LRP1B: variants seen among roughly 807,000 people sequenced by gnomAD.
LRP1B encodes the protein low-density lipoprotein receptor-related protein 1B.
In LRP1B, 217 loss-of-function variants were observed where a neutral mutation model predicts 556.6. The observed-to-expected ratio is 0.39, with a 90% CI of 0.35 to 0.44. LRP1B has a LOEUF of 0.44. LRP1B is among the 20% of genes least tolerant of loss of function. The pLI, the probability that LRP1B is intolerant of heterozygous loss-of-function variation, is 1.00. For synonymous variants in LRP1B, 2,047 were observed against 1,865.8 expected, an observed-to-expected ratio of 1.10 and a Z score of -2.50; for missense variants, 5,053 against 5,620.8, an observed-to-expected ratio of 0.90 and a Z score of 3.23.
intron 23 of LRP1B, 114 bp from the exon 24 acceptor site, chr2:140,886,449 T>A: frequency 1.6e-6 from 1 of 608,344 alleles, no homozygotes; most frequent in Non-Finnish European, 2.7e-6. Flanking sequence ...TTCTCTGTCT[T>A]AAAACAGCAA....
intron 6 of LRP1B, among the ~76,000 whole-genome samples, chr2:141,201,646 T>C (rs1016676138): frequency 1.3e-5 from 2 of 152,164 alleles, no homozygotes; most frequent in Non-Finnish European, 2.9e-5. Context: ...TATTGTACTT[T>C]TTTAATTATT....
At chr2:141,595,498 C>T (rs1253520380) in intron 2 of LRP1B, among the ~76,000 whole-genome samples, 1 of 151,868 alleles carries the variant, frequency 6.6e-6, no homozygotes, top group Non-Finnish European at 1.5e-5. Flanking sequence ...GTGTTAATAG[C>T]CTTTGGCAGA....
intron 66 of LRP1B, among the ~76,000 whole-genome samples, chr2:140,420,799 T>C (rs1485969967): frequency 6.6e-6 from 1 of 152,188 alleles, no homozygotes; most frequent in Non-Finnish European, 1.5e-5. Flanking sequence ...AGTAATCTAG[T>C]GACTTCAAGC....
intron 66 of LRP1B, among the ~76,000 whole-genome samples, chr2:140,422,824 C>A (rs1685501896): frequency 6.6e-6 from 1 of 152,126 alleles, no homozygotes; most frequent in Non-Finnish European, 1.5e-5. Flanking sequence ...CATTTCTACA[C>A]AAACATTCAA....
At chr2:142,049,545 G>T (rs1335313388) in intron 1 of LRP1B, among the ~76,000 whole-genome samples, 5 of 152,050 alleles carry the variant, frequency 3.3e-5, no homozygotes, top group African/African-American at 1.2e-4. Flanking sequence ...CGTTCTCCTT[G>T]AGGTATTACA....
At position 140,533,071 on chromosome 2, in the gene LRP1B, G is replaced by A. The variant is rs538257112; in HGVS notation, c.7762+950C>T. 1.7e-3 allele frequency among the ~76,000 whole-genome samples: 260 copies of A among 151,716 alleles called. 3 individuals carry two copies. The highest frequency in any genetic ancestry group is 3.8e-3 in the Admixed American group (58 of 15,192). ...CTTAATGCATTGCACTCAATAAAGT[G>A]TGTTCATTGAATGGCAAGTCTCTAA... On this transcript the variant is annotated intron_variant, in intron 47 of 90. Coordinates refer to ENST00000389484, the MANE Select transcript of LRP1B (RefSeq NM_018557.3).
At chr2:140,705,431 G>C (rs1324648946) in intron 37 of LRP1B, among the ~76,000 whole-genome samples, 1 of 148,978 alleles carries the variant, frequency 6.7e-6, no homozygotes, top group Non-Finnish European at 1.5e-5. Context: ...GGCTGAGGCA[G>C]GAGAATCACT....
chr2:141,809,643 T>C (rs1010859028), intron 2 of LRP1B, among the ~76,000 whole-genome samples: 1 of 152,100 alleles, frequency 6.6e-6, no homozygotes, highest in Non-Finnish European at 1.5e-5. Flanking sequence ...TTCCAAGTTA[T>C]AGTAGTACAA....
chr2:140,262,177 A>G lies in LRP1B; in HGVS notation c.13247+8065T>C, dbSNP rs143302752. 2.9e-3 allele frequency among the ~76,000 whole-genome samples: 436 copies of G among 152,270 alleles called. 3 individuals are homozygous for G. Among genetic ancestry groups the G allele is most frequent in the African/African-American group, 9.8e-3 (407 of 41,578 alleles). On this transcript the variant is annotated intron_variant, in intron 86 of 90. Coordinates refer to ENST00000389484, the MANE Select transcript of LRP1B (RefSeq NM_018557.3). ...TTAGCCAGGAGCTTCTTGGGAAAATAGAAGCTAGAGTATGGAATGCCCAGG... is the reference window on the plus strand; with the variant it reads ...TTAGCCAGGAGCTTCTTGGGAAAATGGAAGCTAGAGTATGGAATGCCCAGG...
intron 35 of LRP1B, among the ~76,000 whole-genome samples, chr2:140,750,089 C>T (rs1334173534): frequency 1.1e-3 from 9 of 8,416 alleles, no homozygotes; most frequent in Non-Finnish European, 3.9e-3. Flanking sequence ...TACACACACA[C>T]ACACACACAC....
chr2:140,241,709 G>GT (rs1204213697), intron 87 of LRP1B, among the ~76,000 whole-genome samples: 11 of 150,780 alleles, frequency 7.3e-5, no homozygotes, highest in East Asian at 3.9e-4. Flanking sequence ...AGATTAGCAA[G>GT]TTTTTTTAAA....
intron 1 of LRP1B, among the ~76,000 whole-genome samples, chr2:141,957,422 G>A (rs1574530210): frequency 6.7e-6 from 1 of 148,576 alleles, no homozygotes; most frequent in African/African-American, 2.5e-5. Flanking sequence ...TCCCAGCTTT[G>A]TTTCGTGCAC....
intron 3 of LRP1B, among the ~76,000 whole-genome samples, chr2:141,345,634 T>TGTGTGCC (rs1355162787): frequency 1.3e-5 from 2 of 150,902 alleles, no homozygotes; most frequent in African/African-American, 4.9e-5. Flanking sequence ...GGACTACGAG[T>TGTGTGCC]GTGTGCCACC....
intron 1 of LRP1B, among the ~76,000 whole-genome samples, chr2:141,981,516 A>G (rs576438601): frequency 6.6e-6 from 1 of 152,244 alleles, no homozygotes; most frequent in South Asian, 2.1e-4. Flanking sequence ...ACTCCCTTAC[A>G]GTCTTGATTA....
chr2:141,804,954 G>A (rs114315618), intron 2 of LRP1B, among the ~76,000 whole-genome samples: 434 of 152,196 alleles, frequency 2.9e-3, no homozygotes, highest in Non-Finnish European at 4.9e-3. Flanking sequence ...AAGGAGGAGA[G>A]TGAAGGGACA....
rs183223410 is a variant in LRP1B, at chr2:141,550,575, G to A, written c.206-70042C>T. The stretch of plus-strand genomic sequence containing the variant: ...AATTATTGGCTCTGCGTTATCCAAA[G>A]GCTTCAAATTACCCTTCAATATACA... On this transcript the variant is annotated intron_variant, in intron 2 of 90. Coordinates refer to ENST00000389484, the MANE Select transcript of LRP1B (RefSeq NM_018557.3). 2.0e-5 allele frequency among the ~76,000 whole-genome samples: 3 copies of A among 152,122 alleles called. No homozygotes were observed. The East Asian group carries it at 5.8e-4, about 29-fold the overall frequency.
At chr2:142,020,569 A>T (rs989541197) in intron 1 of LRP1B, among the ~76,000 whole-genome samples, 1 of 152,178 alleles carries the variant, frequency 6.6e-6, no homozygotes, top group East Asian at 1.9e-4. Context: ...CTCCTGAATC[A>T]TTCATCATGT....
chr2:141,255,102 TAGAG>T (rs1302934202), intron 3 of LRP1B, among the ~76,000 whole-genome samples: 2 of 152,078 alleles, frequency 1.3e-5, no homozygotes, highest in Non-Finnish European at 2.9e-5. Context: ...AGAAAAATAT[TAGAG>T]AAATACTGAA....
intron 1 of LRP1B, among the ~76,000 whole-genome samples, chr2:141,829,661 A>G (rs936699917): frequency 6.6e-6 from 1 of 151,670 alleles, no homozygotes; most frequent in African/African-American, 2.4e-5. Context: ...AAGTCTGAAC[A>G]CCTCGTATTT....
Sources: gnomAD v4.1 joint callset for allele counts (sites outside exome capture counted in the v4.1 genomes callset) on GRCh38, gnomAD v4.1.1 for gene constraint, MANE v1.5 for transcripts, NCBI Gene and HGNC (gene_info 2026-07-23, HGNC 2026-07-21) for gene names.